The following FANCB variants were observed in gnomAD, a reference collection of about 807,000 sequenced individuals.
FANCB encodes Fanconi anemia group B protein.
In FANCB, 5 loss-of-function variants were observed where a neutral mutation model predicts 38.9. That is an observed-to-expected ratio of 0.13 (90% CI 0.07 to 0.27). The LOEUF (loss-of-function observed/expected upper bound fraction) is 0.27. FANCB is among the 10% of genes least tolerant of loss of function. The probability of loss-of-function intolerance (pLI) is 1.00; values close to 1 mark genes in which losing one functional copy is unlikely to be tolerated. For synonymous variants in FANCB, 236 were observed against 215.4 expected, an observed-to-expected ratio of 1.10 and a Z score of -0.84; for missense variants, 573 against 602.7, an observed-to-expected ratio of 0.95 and a Z score of 0.52.
the FANCB span, among the ~76,000 whole-genome samples, chrX:14,711,819 C>A: frequency 1.8e-5 from 2 of 112,410 alleles, no homozygotes; most frequent in African/African-American, 6.5e-5. Context: ...AGAGCCCAGG[C>A]TTCTCACCTT....
downstream of FANCB, among the ~76,000 whole-genome samples, chrX:14,831,459 A>C (rs1370401994): frequency 8.9e-6 from 1 of 112,073 alleles, no homozygotes; most frequent in African/African-American, 3.2e-5. Context: ...TGGGTATAAA[A>C]CTAGGTGAAT....
the FANCB span, among the ~76,000 whole-genome samples, chrX:14,766,465 C>T: frequency 9.0e-6 from 1 of 111,297 alleles, no homozygotes; most frequent in Non-Finnish European, 1.9e-5. Context: ...CAAAACAATA[C>T]AAAATTTAGA....
At chrX:14,803,069 C>T in the FANCB span, among the ~76,000 whole-genome samples, 1 of 112,305 alleles carries the variant, frequency 8.9e-6, no homozygotes, top group Non-Finnish European at 1.9e-5. Flanking sequence ...GAATACAAGA[C>T]ATTCTGAAAA....
intron 10 of FANCB, among the ~76,000 whole-genome samples, chrX:14,837,923 A>T (rs1175105269): frequency 8.9e-6 from 1 of 112,212 alleles, no homozygotes; most frequent in African/African-American, 3.2e-5. Context: ...TACATCTTAT[A>T]ACATCATTGC....
At chrX:14,825,632 C>T in the FANCB span, among the ~76,000 whole-genome samples, 1 of 112,158 alleles carries the variant, frequency 8.9e-6, no homozygotes, top group Non-Finnish European at 1.9e-5. Flanking sequence ...TAATTATCTG[C>T]TAACATTAAT....
At chrX:14,856,226 C>T (rs2092422643) in intron 5 of FANCB, among the ~76,000 whole-genome samples, 1 of 111,635 alleles carries the variant, frequency 9.0e-6, no homozygotes, top group Admixed American at 9.5e-5. Context: ...CATAAACATT[C>T]TTGTAAAATC....
At chrX:14,809,590 T>C in the FANCB span, among the ~76,000 whole-genome samples, 2 of 112,067 alleles carry the variant, frequency 1.8e-5, no homozygotes, top group South Asian at 7.6e-4. Context: ...AGCACAGCAG[T>C]CTGAGACCAA....
chrX:14,743,585 T>A, the FANCB span, among the ~76,000 whole-genome samples: 1 of 109,873 alleles, frequency 9.1e-6, no homozygotes, highest in Non-Finnish European at 1.9e-5. Context: ...TCTTTTTTTT[T>A]TTTTTTGTAG....
At chrX:14,737,015 G>A in the FANCB span, among the ~76,000 whole-genome samples, 1 of 109,824 alleles carries the variant, frequency 9.1e-6, no homozygotes, top group Non-Finnish European at 1.9e-5. Flanking sequence ...AAATTAGCTG[G>A]GCGTGGTGGC....
the FANCB span, among the ~76,000 whole-genome samples, chrX:14,796,693 T>TATAC: frequency 5.4e-5 from 5 of 92,134 alleles, no homozygotes; most frequent in Non-Finnish European, 8.5e-5. Context: ...CGTCTATATA[T>TATAC]ACACACACAC....
the FANCB span, among the ~76,000 whole-genome samples, chrX:14,810,701 G>T: frequency 1.8e-5 from 2 of 110,634 alleles, no homozygotes; most frequent in African/African-American, 6.6e-5. Context: ...TGGTGTACCT[G>T]AAAGTGACAG....
the FANCB span, among the ~76,000 whole-genome samples, chrX:14,790,593 C>G: frequency 8.9e-6 from 1 of 111,963 alleles, no homozygotes; most frequent in South Asian, 3.7e-4. Flanking sequence ...TATTTCATAT[C>G]ATAACTTCAG....
chrX:14,761,831 G>C, the FANCB span, among the ~76,000 whole-genome samples: 1 of 111,174 alleles, frequency 9.0e-6, no homozygotes, highest in South Asian at 3.8e-4. Context: ...CAGTCTCAGA[G>C]ACTCTAAGGC....
rs776713934 is a variant in FANCB, at chrX:14,844,871, T to C, written c.1912A>G (p.Lys638Glu). ...ACAAAATTACCTATAGGTTTCTTCT[T>C]TGGAAATGTCAGTAGGTACTTCCCA... ...STGKYLLTFP[K>E]KKPIEHMEDL... is the part of the protein sequence containing the mutation. The change falls in exon 8 of 10, where the codon AAG becomes GAG. Residue 638 changes from lysine to glutamate, a missense_variant. By Grantham distance (56) the Lys-to-Glu change is moderately conservative (BLOSUM62 1). Transcript: ENST00000650831. 6.6e-6 allele frequency: 8 copies of C among 1,203,870 alleles called. No homozygotes were observed. Among genetic ancestry groups the C allele is most frequent in the Non-Finnish European group, 9.0e-6 (8 of 892,329 alleles).
chrX:14,857,332 G>A (rs1363773022), intron 5 of FANCB, among the ~76,000 whole-genome samples: 1 of 111,998 alleles, frequency 8.9e-6, no homozygotes, highest in Non-Finnish European at 1.9e-5. Context: ...GTTAAAATTG[G>A]TTATTGCAAA....
At chrX:14,758,038 G>A in the FANCB span, among the ~76,000 whole-genome samples, 1 of 111,638 alleles carries the variant, frequency 9.0e-6, no homozygotes, top group East Asian at 2.8e-4. Context: ...ATTGAGACCA[G>A]CCTTTTGGGC....
At chrX:14,796,554 A>C in the FANCB span, among the ~76,000 whole-genome samples, 4 of 98,155 alleles carry the variant, frequency 4.1e-5, no homozygotes, top group Admixed American at 1.2e-4. Context: ...TATATAATAA[A>C]TTATATGTTA....
At chrX:14,717,116 C>T in the FANCB span, among the ~76,000 whole-genome samples, 25 of 111,056 alleles carry the variant, frequency 2.3e-4, no homozygotes, top group Admixed American at 7.7e-4. Context: ...CAGTGCCTGC[C>T]CTATAATAGG....
chrX:14,806,625 GA>G, the FANCB span, among the ~76,000 whole-genome samples: 1 of 111,681 alleles, frequency 9.0e-6, no homozygotes, highest in South Asian at 3.7e-4. Context: ...CAACCTGAGG[GA>G]TTGTGTCTCA....
Sources: allele counts gnomAD v4.1 joint callset (sites outside exome capture counted in the v4.1 genomes callset), GRCh38; gene constraint gnomAD v4.1.1; transcripts MANE v1.5; gene names NCBI Gene and HGNC (gene_info 2026-07-23, HGNC 2026-07-21).